Variants in GRIA1 observed in about 807,000 individuals in gnomAD.
GRIA1 encodes glutamate ionotropic receptor AMPA type subunit 1.
In GRIA1, 31 loss-of-function variants were observed where a neutral mutation model predicts 99.2. That is an observed-to-expected ratio of 0.31 (90% CI 0.23 to 0.42). The LOEUF is 0.42. Ranked by LOEUF, GRIA1 falls within the 10% of genes least tolerant of loss-of-function variation. GRIA1 has a pLI of 1.00. For missense variants in GRIA1, 782 were observed against 1,157.5 expected (o/e 0.68, Z 4.71); for synonymous variants, 438 against 432.4 (o/e 1.01, Z -0.16).
intron 2 of GRIA1, chr5:153,574,421 T>C (rs532937417): frequency 2.0e-5 from 3 of 152,288 alleles, no homozygotes; most frequent in East Asian, 1.9e-4. Flanking sequence ...ATAATCATTA[T>C]CTTTGTTCAA....
At chr5:153,525,531 A>G (rs1757516377) in intron 2 of GRIA1, 1 of 152,134 alleles carries the variant, frequency 6.6e-6, no homozygotes, top group Middle Eastern at 3.2e-3. Context: ...TTAAAAAAAA[A>G]AACCACCTAG....
rs1487302263 is a variant in GRIA1 at position 153,792,346 on chromosome 5, G to A, written c.2271-2275G>A. On this transcript the variant is annotated intron_variant, in intron 13 of 15. Transcript: ENST00000285900. Reference sequence around the variant, plus strand: ...GGATTATTTGCCTGAGTGGAACAGTGAGGACTTTATTTCTAATACAGAAAA... The same window carrying A: ...GGATTATTTGCCTGAGTGGAACAGTAAGGACTTTATTTCTAATACAGAAAA... 3.9e-5 allele frequency among the ~76,000 whole-genome samples: 6 copies of A among 152,196 alleles called. No individual in the cohort carries two copies. In the East Asian group the frequency reaches 9.6e-4, roughly 24 times the overall value.
intron 4 of GRIA1, among the ~76,000 whole-genome samples, chr5:153,654,217 G>A (rs981486630): frequency 2.0e-5 from 3 of 152,144 alleles, no homozygotes; most frequent in Admixed American, 1.3e-4. Context: ...GGTATTAGAG[G>A]AGGGAAGGTC....
intron 2 of GRIA1, among the ~76,000 whole-genome samples, chr5:153,606,533 G>T (rs1056053436): frequency 6.6e-6 from 1 of 151,878 alleles, no homozygotes; most frequent in African/African-American, 2.4e-5. Context: ...CCAGAGCATA[G>T]TATATTGCTT....
rs140134632 is a variant in GRIA1, at chr5:153,786,612, C to A, written c.2271-8009C>A. 7.1e-3 allele frequency among the ~76,000 whole-genome samples: 1,074 copies of A among 152,186 alleles called. 5 individuals are homozygous for A. Among genetic ancestry groups the A allele is most frequent in the Non-Finnish European group, 0.011 (741 of 68,016 alleles). ...AAGTGTTGACCCAAAGACACTAACT[C>A]TTTACTCTGAAGGCTTTATAATCAA... On this transcript the variant is annotated intron_variant, in intron 13 of 15. Coordinates refer to ENST00000285900, the MANE Select transcript of GRIA1 (RefSeq NM_000827.4).
intron 2 of GRIA1, among the ~76,000 whole-genome samples, chr5:153,556,619 CCTAGTCT>C (rs1257693090): frequency 6.6e-6 from 1 of 152,034 alleles, no homozygotes; most frequent in Admixed American, 6.6e-5. Context: ...ATTTTATGTT[CCTAGTCT>C]CTAGTTTTCC....
chr5:153,727,902 C>CA (rs552826631), intron 11 of GRIA1, among the ~76,000 whole-genome samples: 18,103 of 150,556 alleles, frequency 0.12, 958 homozygotes, highest in Middle Eastern at 0.25. Flanking sequence ...CATATGGAAC[C>CA]AAAAAAGAGC....
At chr5:153,716,042 C>T (rs1759645416) in intron 11 of GRIA1, among the ~76,000 whole-genome samples, 1 of 152,200 alleles carries the variant, frequency 6.6e-6, no homozygotes, top group South Asian at 2.1e-4. Context: ...CCTTGTCATC[C>T]TAATGTTGCC....
At chr5:153,763,425 G>A (rs1004863310) in intron 11 of GRIA1, among the ~76,000 whole-genome samples, 4 of 152,202 alleles carry the variant, frequency 2.6e-5, no homozygotes, top group African/African-American at 4.8e-5. Context: ...CTCTGAGCTT[G>A]AGGCTGTCAG....
At chr5:153,782,171 A>G (rs907007518) in intron 13 of GRIA1, among the ~76,000 whole-genome samples, 3 of 152,224 alleles carry the variant, frequency 2.0e-5, no homozygotes, top group Admixed American at 6.5e-5. Context: ...CAAGAACCCA[A>G]TGAAGTAGGT....
In GRIA1 at chr5:153,681,264, G is replaced by A. The variant is rs140014636; in HGVS notation, c.1029+4103G>A. ...ACTTATTCATTACCATGGGGAGGGCGCCAAGCCATTCAGGAAAGTTCCGCC... is the reference window on the plus strand; with the variant it reads ...ACTTATTCATTACCATGGGGAGGGCACCAAGCCATTCAGGAAAGTTCCGCC... On this transcript the variant is annotated intron_variant, in intron 7 of 15. Transcript: ENST00000285900. 5.6e-3 allele frequency among the ~76,000 whole-genome samples: 846 copies of A among 152,206 alleles called. 13 individuals are homozygous for A. Among genetic ancestry groups the A allele is most frequent in the African/African-American group, 0.02 (817 of 41,510 alleles).
At chr5:153,638,226 G>A (rs572065554) in intron 2 of GRIA1, among the ~76,000 whole-genome samples, 4 of 152,126 alleles carry the variant, frequency 2.6e-5, no homozygotes, top group Non-Finnish European at 5.9e-5. Context: ...GGCATCATCT[G>A]TCTTATTTAC....
At position 153,674,522 on chromosome 5, in the gene GRIA1, A is replaced by T. The variant is rs765682057; in HGVS notation, c.722A>T (p.Asn241Ile). ...ANLGFMDIDLNKFKESGANVT... is the reference protein window; with the variant it reads ...ANLGFMDIDLIKFKESGANVT... ...CAGGGCTTCATGGACATTGACTTAA[A>T]CAAATTCAAGGAGAGTGGCGCCAAT... Residue 241 changes from asparagine to isoleucine, a missense_variant, in exon 6 of 16, where the codon AAC becomes ATC. By Grantham distance (149) the Asn-to-Ile change is moderately radical (BLOSUM62 -3). Coordinates refer to ENST00000285900, the MANE Select transcript of GRIA1 (RefSeq NM_000827.4). 1.2e-6 allele frequency: 2 copies of T among 1,614,130 alleles called. No homozygotes were observed. Among genetic ancestry groups the T allele is most frequent in the Admixed American group, 1.7e-5 (1 of 60,022 alleles).
At chr5:153,558,043 T>C (rs948065916) in intron 2 of GRIA1, 1 of 152,236 alleles carries the variant, frequency 6.6e-6, no homozygotes, top group Non-Finnish European at 1.5e-5. Context: ...TATACTTTTA[T>C]ATACAACCAC....
At chr5:153,752,007 C>T (rs1476975373) in intron 11 of GRIA1, among the ~76,000 whole-genome samples, 2 of 152,184 alleles carry the variant, frequency 1.3e-5, no homozygotes, top group Non-Finnish European at 2.9e-5. Context: ...TCAGCCCGCC[C>T]CTTCCCATTT....
Position 153,674,535 on chromosome 5 carries a change from G to T in GRIA1, c.735G>T (p.Glu245Asp), listed in dbSNP as rs747249281. The T allele has an allele frequency of 1.2e-6, 2 of 1,614,108 alleles. No homozygotes were observed. The highest frequency in any genetic ancestry group is 8.5e-7 in the Non-Finnish European group (1 of 1,179,990). The change falls in exon 6 of 16, where the codon GAG becomes GAT. Residue 245 changes from glutamate (E) to aspartate (D), a missense_variant. By Grantham distance (45) the Glu-to-Asp change is conservative (BLOSUM62 2). Around this residue, in one of 5 missense-constraint regions of GRIA1, gnomAD observed 461 missense variants for 521.7 expected, o/e 0.88. Transcript: ENST00000285900. ...ACATTGACTTAAACAAATTCAAGGA[G>T]AGTGGCGCCAATGTGACAGGTTTCC... ...FMDIDLNKFK[E>D]SGANVTGFQL...
At chr5:153,755,558 G>A (rs2149595423) in intron 11 of GRIA1, 1 of 152,378 alleles carries the variant, frequency 6.6e-6, no homozygotes, top group Middle Eastern at 3.4e-3. Flanking sequence ...TGCCTAAGGA[G>A]GGGTGAACTG....
Position 153,681,634 on chromosome 5 carries a change from T to G in GRIA1, c.1029+4473T>G, listed in dbSNP as rs114336050. The stretch of plus-strand genomic sequence containing the variant: ...ACTATCTGGGGGATCTTGGACTAAT[T>G]GCTTGCCTTTTCCAGATCTGGATTT... On this transcript the variant is annotated intron_variant, in intron 7 of 15. Transcript: ENST00000285900. Among the ~76,000 whole-genome samples, 1,117 of 152,276 alleles carry G rather than the reference T, an allele frequency of 7.3e-3. 5 individuals carry two copies. Among genetic ancestry groups the G allele is most frequent in the South Asian group, 0.013 (62 of 4,822 alleles).
intron 2 of GRIA1, among the ~76,000 whole-genome samples, chr5:153,596,718 C>T (rs1464089300): frequency 6.6e-6 from 1 of 152,138 alleles, no homozygotes; most frequent in Non-Finnish European, 1.5e-5. Flanking sequence ...TCTCTGGTGT[C>T]CTTACTCTCC....
Sources: allele counts gnomAD v4.1 joint callset (sites outside exome capture counted in the v4.1 genomes callset), GRCh38; gene constraint gnomAD v4.1.1; regional missense constraint gnomAD v4.1.1; transcripts MANE v1.5; gene names NCBI Gene and HGNC (gene_info 2026-07-23, HGNC 2026-07-21).